Variants in VAC14 observed in about 807,000 individuals in gnomAD.
VAC14 encodes the protein protein VAC14 homolog.
A neutral mutation model predicts 85.3 loss-of-function variants in VAC14; 47 were observed. That is an observed-to-expected ratio of 0.55 (90% confidence interval 0.44 to 0.70). VAC14 has a LOEUF of 0.70. VAC14 is among the 30% of genes least tolerant of loss of function. The pLI is 0.00. For synonymous variants in VAC14, 447 were observed against 430.5 expected (o/e 1.04, Z -0.47); for missense variants, 861 against 1,004.3 (o/e 0.86, Z 1.93).
At chr16:70,772,029 A>G in intron 10 of VAC14, 80 bp downstream of exon 10, 4 of 1,365,032 alleles carry the variant, frequency 2.9e-6, no homozygotes, top group Non-Finnish European at 4.1e-6. Context: ...GCCTTGGGTC[A>G]TTGCTGTAGT....
intron 13 of VAC14, among the ~76,000 whole-genome samples, chr16:70,742,181 T>G: frequency 6.6e-6 from 1 of 152,158 alleles, no homozygotes; most frequent in East Asian, 1.9e-4. Flanking sequence ...GCTGCCACTT[T>G]GAGGAGGAGA....
At chr16:70,773,831 C>T (rs1362457921) in intron 9 of VAC14, among the ~76,000 whole-genome samples, 2 of 152,116 alleles carry the variant, frequency 1.3e-5, no homozygotes, top group East Asian at 1.9e-4. Context: ...GTGGCACAAC[C>T]TTGGCTCACT....
At chr16:70,780,138 C>T (rs1470153768) in intron 9 of VAC14, among the ~76,000 whole-genome samples, 3 of 151,426 alleles carry the variant, frequency 2.0e-5, no homozygotes, top group East Asian at 1.9e-4. Flanking sequence ...TTACCCAGCC[C>T]GGCCATAAAT....
chr16:70,738,771 G>C (rs1021415081), intron 13 of VAC14, among the ~76,000 whole-genome samples: 3 of 152,210 alleles, frequency 2.0e-5, no homozygotes, highest in African/African-American at 7.2e-5. Flanking sequence ...TGGGCACCTG[G>C]TGCCAGGGAT....
At chr16:70,764,813 C>T (rs917596052) in intron 10 of VAC14, among the ~76,000 whole-genome samples, 3 of 152,208 alleles carry the variant, frequency 2.0e-5, no homozygotes, top group East Asian at 1.9e-4. Context: ...GTGGCTGCCG[C>T]GGAGGCCCAC....
chr16:70,742,425 T>C (rs1229997056), intron 13 of VAC14, among the ~76,000 whole-genome samples: 1 of 150,860 alleles, frequency 6.6e-6, no homozygotes, highest in Non-Finnish European at 1.5e-5. Context: ...CTGGCATTCC[T>C]GCCATCTGTC....
rs376286049 is a variant in VAC14 at position 70,730,341 on chromosome 16, CCT to C, written c.1661+1152_1661+1153del. Among the ~76,000 whole-genome samples, 78 of 152,076 alleles carry C rather than the reference CCT, an allele frequency of 5.1e-4. 1 individual carries two copies. The South Asian group carries it at 0.011, about 21-fold the overall frequency. Reference sequence around the variant, plus strand: ...CCCTGTCAGTGCCTCCGTGCTGACCCCTGAGTAAGGTCTCTGATCCTCACTGT... The same window carrying C: ...CCCTGTCAGTGCCTCCGTGCTGACCCGAGTAAGGTCTCTGATCCTCACTGT... On this transcript the variant is annotated intron_variant, in intron 14 of 18. Transcript: ENST00000261776.
intron 14 of VAC14, among the ~76,000 whole-genome samples, chr16:70,727,660 A>G (rs1339379717): frequency 6.6e-6 from 1 of 152,208 alleles, no homozygotes. Flanking sequence ...CTTTAAAGTC[A>G]TCGCAGGAGA....
At chr16:70,700,894 G>C (rs961528852) in intron 14 of VAC14, among the ~76,000 whole-genome samples, 1 of 152,204 alleles carries the variant, frequency 6.6e-6, no homozygotes, top group Non-Finnish European at 1.5e-5. Flanking sequence ...GCTCTCCAGG[G>C]ATCCAGGCCG....
At chr16:70,760,932 C>T (rs997651442) in intron 12 of VAC14, among the ~76,000 whole-genome samples, 1 of 138,556 alleles carries the variant, frequency 7.2e-6, no homozygotes, top group African/African-American at 2.7e-5. Context: ...ACCTGGGCCT[C>T]GCGCTGCAGG....
chr16:70,703,298 G>A (rs1433573560), intron 14 of VAC14, among the ~76,000 whole-genome samples: 1 of 152,242 alleles, frequency 6.6e-6, no homozygotes, highest in Non-Finnish European at 1.5e-5. Context: ...CAATGGCCTG[G>A]AATGTGCTTG....
rs1246234260 is a variant in VAC14 at position 70,762,593 on chromosome 16, T to C, written c.1318A>G (p.Thr440Ala). 2 of 1,613,980 alleles carry C rather than the reference T, an allele frequency of 1.2e-6. No homozygotes were observed. The highest frequency in any genetic ancestry group is 1.7e-6 in the Non-Finnish European group (2 of 1,179,996). The change falls in exon 12 of 19, where the codon ACG (threonine) becomes GCG (alanine). Residue 440 changes from threonine to alanine, a missense_variant. Around this residue, in one of 3 missense-constraint regions of VAC14, gnomAD observed 629 missense variants for 703.1 expected, o/e 0.89. Coordinates refer to ENST00000261776, the MANE Select transcript of VAC14 (RefSeq NM_018052.5). The surrounding 1 kb of genome is among the most constrained non-coding windows in gnomAD (Gnocchi z 4.1). ...AGTAGGATGGGAAAGAGGCTGTCCG[T>C]GTGCCGGAACATCTGGAGGGCAGAG... ...IKTPRKMFRHTDSLFPILLQT... is the reference protein window; with the variant it reads ...IKTPRKMFRHADSLFPILLQT...
intron 10 of VAC14, chr16:70,771,811 G>A (rs2033242097): frequency 3.2e-6 from 1 of 315,106 alleles, no homozygotes; most frequent in African/African-American, 2.1e-5. Context: ...AAACTCCTGA[G>A]CTCAAGCGAT....
intron 18 of VAC14, chr16:70,690,774 G>C (rs1396525597): frequency 2.3e-5 from 23 of 985,318 alleles, no homozygotes; most frequent in Non-Finnish European, 2.7e-5. Flanking sequence ...CCTGCAATCT[G>C]ACCCCTCCCC....
intron 3 of VAC14, among the ~76,000 whole-genome samples, chr16:70,785,398 G>GT (rs1335202424): frequency 6.6e-6 from 1 of 152,240 alleles, no homozygotes; most frequent in Non-Finnish European, 1.5e-5. Context: ...GGATGATGGC[G>GT]TCAGCATCAT....
intron 14 of VAC14, among the ~76,000 whole-genome samples, chr16:70,728,819 G>C (rs1397840901): frequency 6.6e-6 from 1 of 152,218 alleles, no homozygotes. Context: ...AGTCGTCCAG[G>C]CAAGGAGAGC....
intron 13 of VAC14, among the ~76,000 whole-genome samples, chr16:70,732,194 C>T (rs2054611261): frequency 6.6e-6 from 1 of 152,198 alleles, no homozygotes; most frequent in Admixed American, 6.5e-5. Context: ...ATGATGCGCA[C>T]AGCCACTCGA....
At chr16:70,783,176 T>C in intron 6 of VAC14, 37 bp from the exon 7 acceptor site, 1 of 1,600,624 alleles carries the variant, frequency 6.2e-7, no homozygotes, top group Non-Finnish European at 8.5e-7. Context: ...ACAGCGAGGG[T>C]CAGCCAGGGC....
Position 70,698,645 on chromosome 16 carries a change from T to C in VAC14, c.1828A>G (p.Lys610Glu). 6.2e-7 allele frequency: 1 copy of C among 1,614,094 alleles called. No homozygotes were observed. The highest frequency in any genetic ancestry group is 8.5e-7 in the Non-Finnish European group (1 of 1,179,962). Residue 610 changes from lysine to glutamate, a missense_variant, in exon 15 of 19, where the codon AAG becomes GAG. Physicochemically the swap from Lys to Glu is moderately conservative, Grantham distance 56 (BLOSUM62 1). Around this residue, in one of 3 missense-constraint regions of VAC14, gnomAD observed 69 missense variants for 139.0 expected, o/e 0.50. Transcript: ENST00000261776. ...TCCCGGACGCAGCCTACCAGGGTCT[T>C]CAGGTCCTTCAGCTGGTTCCTTAGC... ...FQLRNQLKDL[K>E]TLESQNLFCC...
Sources: allele counts gnomAD v4.1 joint callset (sites outside exome capture counted in the v4.1 genomes callset), GRCh38; gene constraint gnomAD v4.1.1; regional missense constraint gnomAD v4.1.1; non-coding constraint Gnocchi (gnomAD v3.1); transcripts MANE v1.5; gene names NCBI Gene and HGNC (gene_info 2026-07-23, HGNC 2026-07-21).